Variants in ABCC1 observed in about 807,000 individuals in gnomAD.
The protein encoded by ABCC1 is ATP binding cassette subfamily C member 1 (ABCC1 blood group), also known as multidrug resistance-associated protein 1.
Under a neutral mutation model 172.9 loss-of-function variants are expected in ABCC1, and 83 were observed. The observed-to-expected ratio is 0.48, with a 90% CI of 0.40 to 0.58. ABCC1 has a LOEUF of 0.58. ABCC1 is among the 20% of genes least tolerant of loss of function. ABCC1 has a pLI of 0.00. For synonymous variants in ABCC1, 937 were observed against 825.2 expected (o/e 1.14, Z -2.32); for missense variants, 1,817 against 2,002.7 (o/e 0.91, Z 1.77).
chr16:15,976,521 G>C (rs139514065), intron 1 of ABCC1, among the ~76,000 whole-genome samples: 1 of 152,102 alleles, frequency 6.6e-6, no homozygotes, highest in Non-Finnish European at 1.5e-5. Flanking sequence ...GGGCCTGGCC[G>C]GTACCCCATG....
At position 16,122,242 on chromosome 16, in the gene ABCC1, T is replaced by A. The variant is rs941102651; in HGVS notation, c.3590+68T>A. The A allele has an allele frequency of 2.6e-6, 4 of 1,560,750 alleles. No individual in the cohort carries two copies. The African/African-American group carries it at 4.1e-5, about 16-fold the overall frequency. ...TTAGCACCTTGTCTCTTTGCCTCGA[T>A]CTTTTCCTCGCACCTTGAGCTGGGT... On this transcript the variant is annotated intron_variant, in intron 24 of 30. Transcript: ENST00000399410.
At chr16:15,953,795 G>A (rs1431062543) in intron 1 of ABCC1, among the ~76,000 whole-genome samples, 5 of 152,102 alleles carry the variant, frequency 3.3e-5, no homozygotes, top group Admixed American at 2.0e-4. Flanking sequence ...ATCTGACTTA[G>A]CCGCCAAGGA....
intron 5 of ABCC1, among the ~76,000 whole-genome samples, chr16:16,026,307 C>G (rs1470894632): frequency 1.3e-5 from 2 of 151,548 alleles, no homozygotes; most frequent in East Asian, 3.9e-4. Context: ...GTGGTGTGCA[C>G]CATGTAATCC....
intron 1 of ABCC1, among the ~76,000 whole-genome samples, chr16:15,993,845 AGGCCTGAGGCCATTCACTTGATCTCC>A (rs1196008034): frequency 6.6e-6 from 1 of 152,150 alleles, no homozygotes; most frequent in African/African-American, 2.4e-5. Flanking sequence ...GGAATCTGTG[AGGCCTGAGGCCATTCACTTGATCTCC>A]GGCCCTGGAG....
intron 1 of ABCC1, among the ~76,000 whole-genome samples, chr16:15,951,642 A>G (rs1262631230): frequency 6.6e-6 from 1 of 152,040 alleles, no homozygotes. Context: ...AAATATAATT[A>G]ACTGAAAGCT....
chr16:15,953,494 A>G (rs908648864), intron 1 of ABCC1, among the ~76,000 whole-genome samples: 1 of 152,174 alleles, frequency 6.6e-6, no homozygotes, highest in African/African-American at 2.4e-5. Flanking sequence ...CAGTTTCCCT[A>G]TGTGGGATAA....
At chr16:16,098,759 T>C (rs1199128941) in intron 19 of ABCC1, 1 of 971,328 alleles carries the variant, frequency 1.0e-6, no homozygotes, top group Non-Finnish European at 1.5e-6. Context: ...TCAGCCATTC[T>C]TGCCTCTCCC....
intron 1 of ABCC1, among the ~76,000 whole-genome samples, chr16:16,004,264 A>C (rs1370585025): frequency 6.6e-6 from 1 of 152,056 alleles, no homozygotes; most frequent in African/African-American, 2.4e-5. Context: ...ATTTGGGGCT[A>C]GGATCAGGTC....
At position 15,958,608 on chromosome 16, in the gene ABCC1, G is replaced by T. The variant is rs45497195; in HGVS notation, c.48+8809G>T. On this transcript the variant is annotated intron_variant, in intron 1 of 30. Transcript: ENST00000399410. ...GCTTTGATGATCAGCTCTTAGTGTG[G>T]TCAGTACAACTCTAGCTCGTGAAAA... is the stretch of plus-strand genomic sequence containing the variant. Among the ~76,000 whole-genome samples, 982 of 152,276 alleles carry T rather than the reference G, an allele frequency of 6.4e-3. 13 individuals carry two copies. Among genetic ancestry groups the T allele is most frequent in the Non-Finnish European group, 8.2e-3 (555 of 68,016 alleles).
Position 16,079,488 on chromosome 16 carries a change from G to C in ABCC1, c.2115+10G>C, listed in dbSNP as rs754448231. The stretch of plus-strand genomic sequence containing the variant: ...GCACGTGGCTATCAAGGTAGGATGA[G>C]GACCAGCGGGGAGGGGCAGTGGGGA... On this transcript the variant is annotated intron_variant, in intron 16 of 30. Coordinates refer to ENST00000399410, the MANE Select transcript of ABCC1 (RefSeq NM_004996.4). The C allele has an allele frequency of 3.1e-6, 5 of 1,602,888 alleles. No homozygotes were observed. Among genetic ancestry groups the C allele is most frequent in the Non-Finnish European group, 4.3e-6 (5 of 1,170,910 alleles).
intron 22 of ABCC1, among the ~76,000 whole-genome samples, chr16:16,113,882 C>T (rs976879800): frequency 2.6e-5 from 4 of 152,136 alleles, no homozygotes; most frequent in Admixed American, 6.5e-5. Flanking sequence ...AAGAAGCGCA[C>T]AGTCTAGGTC....
intron 3 of ABCC1, among the ~76,000 whole-genome samples, chr16:16,013,747 T>G (rs1030122754): frequency 2.0e-4 from 31 of 152,114 alleles, no homozygotes; most frequent in East Asian, 3.9e-4. Flanking sequence ...CAGGCTTCTC[T>G]GAGGGAGGGA....
chr16:16,003,592 G>A (rs1422540162), intron 1 of ABCC1, among the ~76,000 whole-genome samples: 5 of 144,092 alleles, frequency 3.5e-5, no homozygotes, highest in African/African-American at 2.5e-5. Flanking sequence ...GGGTGGATGG[G>A]TGAATTGGTG....
At chr16:16,083,790 C>T (rs1447433830) in intron 17 of ABCC1, among the ~76,000 whole-genome samples, 2 of 152,150 alleles carry the variant, frequency 1.3e-5, no homozygotes, top group East Asian at 1.9e-4. Context: ...AAGGGGGGCT[C>T]TTCTCATGGT....
intron 23 of ABCC1, among the ~76,000 whole-genome samples, chr16:16,119,656 A>C (rs1195548971): frequency 1.3e-5 from 2 of 152,216 alleles, no homozygotes; most frequent in African/African-American, 4.8e-5. Flanking sequence ...GTGCCACTGC[A>C]CTCCAGCCAG....
intron 26 of ABCC1, among the ~76,000 whole-genome samples, chr16:16,127,781 G>A (rs2045498726): frequency 6.6e-6 from 1 of 152,156 alleles, no homozygotes; most frequent in Admixed American, 6.5e-5. Context: ...ATTCTGACTG[G>A]GTGAACCAGG....
At chr16:16,082,111 CCA>C (rs2050827719) in intron 16 of ABCC1, among the ~76,000 whole-genome samples, 1 of 152,190 alleles carries the variant, frequency 6.6e-6, no homozygotes, top group Admixed American at 6.5e-5. Flanking sequence ...GTGTTTTCTG[CCA>C]GTCGTTCCCT....
Position 15,964,763 on chromosome 16 carries a change from C to T in ABCC1, c.48+14964C>T, listed in dbSNP as rs75683092. 4.9e-3 allele frequency among the ~76,000 whole-genome samples: 742 copies of T among 152,028 alleles called. 5 individuals carry two copies. The highest frequency in any genetic ancestry group is 0.017 in the Middle Eastern group (5 of 294). On this transcript the variant is annotated intron_variant, in intron 1 of 30. Coordinates refer to ENST00000399410, the MANE Select transcript of ABCC1 (RefSeq NM_004996.4). ...GAACCCCTGGACTGAATCGATCCTC[C>T]GGCTTTGGCCTCCCAAAGTGCTGGG...
At chr16:15,971,984 A>G (rs748461945) in intron 1 of ABCC1, among the ~76,000 whole-genome samples, 1 of 152,206 alleles carries the variant, frequency 6.6e-6, no homozygotes, top group South Asian at 2.1e-4. Context: ...CGGAACCTCC[A>G]GGAGTTGATT....
Sources: allele counts gnomAD v4.1 joint callset (sites outside exome capture counted in the v4.1 genomes callset), GRCh38; gene constraint gnomAD v4.1.1; transcripts MANE v1.5; gene names NCBI Gene and HGNC (gene_info 2026-07-23, HGNC 2026-07-21).